SLC36A1: variants seen among roughly 807,000 people sequenced by gnomAD.
The protein encoded by SLC36A1 is proton-coupled amino acid transporter 1.
Under a neutral mutation model 47.5 loss-of-function variants are expected in SLC36A1, and 30 were observed. The observed-to-expected ratio is 0.63, with a 90% CI of 0.47 to 0.86. The LOEUF (loss-of-function observed/expected upper bound fraction) is 0.86. Ranked by LOEUF, SLC36A1 falls within the 40% of genes least tolerant of loss-of-function variation. SLC36A1 has a pLI of 0.00. For missense variants in SLC36A1, 517 were observed against 606.0 expected, an observed-to-expected ratio of 0.85 and a Z score of 1.54; for synonymous variants, 255 against 249.7, an observed-to-expected ratio of 1.02 and a Z score of -0.20.
the SLC36A1 span, chr5:151,543,238 A>G: frequency 6.2e-7 from 1 of 1,614,146 alleles, no homozygotes; most frequent in Non-Finnish European, 8.5e-7. Flanking sequence ...GACATCTTTA[A>G]CTAGGTCCTC....
At chr5:151,550,446 C>G in the SLC36A1 span, 1 of 944,778 alleles carries the variant, frequency 1.1e-6, no homozygotes, top group East Asian at 2.6e-5. Context: ...GGAAGGTGCC[C>G]TTAGCCAGCT....
At chr5:151,360,071 T>C in the SLC36A1 span, among the ~76,000 whole-genome samples, 2 of 152,240 alleles carry the variant, frequency 1.3e-5, no homozygotes, top group African/African-American at 2.4e-5. Context: ...TTCCATTGTA[T>C]GTCAAATACT....
the SLC36A1 span, among the ~76,000 whole-genome samples, chr5:151,375,439 G>A: frequency 3.9e-5 from 6 of 152,178 alleles, no homozygotes; most frequent in East Asian, 7.7e-4. Flanking sequence ...CTATACCAGT[G>A]TCATGCTGTT....
At chr5:151,445,892 G>A (rs556652155), upstream of SLC36A1, among the ~76,000 whole-genome samples, 2 of 150,954 alleles carry the variant, frequency 1.3e-5, no homozygotes, top group Admixed American at 6.6e-5. Flanking sequence ...ACTAGCAAAG[G>A]GTACGTCAAT....
At chr5:151,443,806 C>A (rs1007043876), upstream of SLC36A1, among the ~76,000 whole-genome samples, 1 of 152,184 alleles carries the variant, frequency 6.6e-6, no homozygotes, top group Non-Finnish European at 1.5e-5. Context: ...TCAGATCTTA[C>A]ATTTAGGCCT....
At chr5:151,431,038 C>T in the SLC36A1 span, among the ~76,000 whole-genome samples, 2 of 152,122 alleles carry the variant, frequency 1.3e-5, no homozygotes, top group South Asian at 2.1e-4. Context: ...TCCACAGTTC[C>T]CAGGTGTTGA....
At chr5:151,423,456 T>G in the SLC36A1 span, among the ~76,000 whole-genome samples, 1 of 152,196 alleles carries the variant, frequency 6.6e-6, no homozygotes. Context: ...TATTTAGCAC[T>G]AAGAAGAAAT....
the SLC36A1 span, among the ~76,000 whole-genome samples, chr5:151,349,991 G>C: frequency 3.9e-5 from 6 of 152,072 alleles, no homozygotes; most frequent in Non-Finnish European, 7.4e-5. Flanking sequence ...CAGAGAGCTG[G>C]GAAATATTTG....
the SLC36A1 span, among the ~76,000 whole-genome samples, chr5:151,357,642 A>C: frequency 6.6e-6 from 1 of 152,248 alleles, no homozygotes; most frequent in South Asian, 2.1e-4. Context: ...TATTGTTTAA[A>C]TCTGCCTTCA....
the SLC36A1 span, among the ~76,000 whole-genome samples, chr5:151,515,963 C>T: frequency 1.3e-5 from 2 of 152,216 alleles, no homozygotes; most frequent in Non-Finnish European, 1.5e-5. Flanking sequence ...TATGCCCCAT[C>T]CCATTACGTC....
At chr5:151,414,227 G>A in the SLC36A1 span, among the ~76,000 whole-genome samples, 1 of 152,182 alleles carries the variant, frequency 6.6e-6, no homozygotes, top group East Asian at 1.9e-4. Flanking sequence ...ATACCCAGAG[G>A]AGGTGAGCAT....
At chr5:151,465,748 G>A (rs759542424) in intron 5 of SLC36A1, among the ~76,000 whole-genome samples, 1 of 152,140 alleles carries the variant, frequency 6.6e-6, no homozygotes. Flanking sequence ...GATGAGAAAC[G>A]CACATGAGAG....
the SLC36A1 span, among the ~76,000 whole-genome samples, chr5:151,499,374 T>A: frequency 6.6e-6 from 1 of 152,328 alleles, no homozygotes; most frequent in East Asian, 1.9e-4. Context: ...CCTAGCAGGC[T>A]GGCATTGCAC....
the SLC36A1 span, among the ~76,000 whole-genome samples, chr5:151,541,001 A>G: frequency 6.3e-4 from 96 of 152,336 alleles, 1 homozygote; most frequent in South Asian, 0.019. Context: ...TCACTTCAAA[A>G]TATGTGGCTG....
chr5:151,443,459 T>C (rs1752744018), upstream of SLC36A1, among the ~76,000 whole-genome samples: 1 of 152,222 alleles, frequency 6.6e-6, no homozygotes, highest in South Asian at 2.1e-4. Flanking sequence ...CTGAGCATTT[T>C]TATTTCTTCT....
the SLC36A1 span, among the ~76,000 whole-genome samples, chr5:151,364,370 A>G: frequency 4.6e-5 from 7 of 152,208 alleles, no homozygotes; most frequent in Non-Finnish European, 7.3e-5. Flanking sequence ...GGTCAACTGT[A>G]TATGTTTCCC....
chr5:151,411,502 T>G, the SLC36A1 span, among the ~76,000 whole-genome samples: 2 of 144,718 alleles, frequency 1.4e-5, no homozygotes, highest in African/African-American at 5.0e-5. Context: ...TTCTGGTGGC[T>G]AAATTGTAAA....
the SLC36A1 span, chr5:151,537,917 A>G: frequency 1.2e-6 from 2 of 1,614,168 alleles, no homozygotes; most frequent in Middle Eastern, 1.6e-4. Context: ...CTGGAAATAC[A>G]TCTTCATGAA....
chr5:151,375,464 C>A, the SLC36A1 span, among the ~76,000 whole-genome samples: 1 of 152,172 alleles, frequency 6.6e-6, no homozygotes, highest in African/African-American at 2.4e-5. Context: ...TTACTATAGC[C>A]TTGCGGTATA....
Sources: gnomAD v4.1 joint callset for allele counts (sites outside exome capture counted in the v4.1 genomes callset) on GRCh38, gnomAD v4.1.1 for gene constraint, MANE v1.5 for transcripts, NCBI Gene and HGNC (gene_info 2026-07-23, HGNC 2026-07-21) for gene names.